The following PSMA1 variants were observed in gnomAD, a reference collection of about 807,000 sequenced individuals.
PSMA1 encodes proteasome subunit alpha type-1.
Under a neutral mutation model 38.4 loss-of-function variants are expected in PSMA1, and 3 were observed. The observed-to-expected ratio is 0.08, with a 90% CI of 0.04 to 0.20. The LOEUF is 0.20. PSMA1 is among the 10% of genes least tolerant of loss of function. The pLI is 1.00. For missense variants in PSMA1, 227 were observed against 325.3 expected (o/e 0.70, Z 2.32); for synonymous variants, 101 against 107.1 (o/e 0.94, Z 0.35).
chr11:14,610,978 G>A (rs1852701745), exon 2 of PSMA1: 2 of 1,613,094 alleles, frequency 1.2e-6, no homozygotes, highest in African/African-American at 1.3e-5. Flanking sequence ...TCACCTTGCT[G>A]AGCTGCATAA....
At chr11:14,598,678 G>C (rs1015542105) in intron 2 of PSMA1, among the ~76,000 whole-genome samples, 3 of 147,214 alleles carry the variant, frequency 2.0e-5, no homozygotes, top group Non-Finnish European at 4.5e-5. Flanking sequence ...CACACTGATG[G>C]GTCTTGACTC....
intron 1 of PSMA1, among the ~76,000 whole-genome samples, chr11:14,617,447 C>T (rs1212881401): frequency 6.6e-6 from 1 of 152,110 alleles, no homozygotes; most frequent in Non-Finnish European, 1.5e-5. Context: ...TTCTATTAAT[C>T]TCTGTTTCTC....
intron 1 of PSMA1, among the ~76,000 whole-genome samples, chr11:14,620,390 T>C (rs772816554): frequency 3.3e-5 from 5 of 152,150 alleles, no homozygotes; most frequent in Non-Finnish European, 5.9e-5. Context: ...CACAGCAGTG[T>C]TGGGATGTTG....
intron 2 of PSMA1, among the ~76,000 whole-genome samples, chr11:14,572,184 T>C (rs369137977): frequency 3.9e-5 from 6 of 152,202 alleles, no homozygotes; most frequent in South Asian, 2.1e-4. Context: ...TCTACAGAAC[T>C]CTCCACACCA....
At chr11:14,551,324 T>C (rs1225816051) in intron 2 of PSMA1, among the ~76,000 whole-genome samples, 1 of 152,134 alleles carries the variant, frequency 6.6e-6, no homozygotes, top group Non-Finnish European at 1.5e-5. Flanking sequence ...TTATATGGCT[T>C]TCAGAGTTCA....
chr11:14,579,081 C>T (rs1324030263), intron 2 of PSMA1, among the ~76,000 whole-genome samples: 1 of 152,202 alleles, frequency 6.6e-6, no homozygotes, highest in Non-Finnish European at 1.5e-5. Flanking sequence ...ACTGTCTCCT[C>T]TCTTAAAAGT....
At chr11:14,566,964 C>T (rs1207063462) in intron 2 of PSMA1, among the ~76,000 whole-genome samples, 9 of 152,270 alleles carry the variant, frequency 5.9e-5, no homozygotes, top group South Asian at 2.1e-4. Flanking sequence ...CAGGCAAAAA[C>T]GACAGGTGTG....
chr11:14,627,163 C>T (rs1469890537), intron 1 of PSMA1, among the ~76,000 whole-genome samples: 1 of 152,158 alleles, frequency 6.6e-6, no homozygotes, highest in African/African-American at 2.4e-5. Context: ...TTTAAAGGCT[C>T]CATTTCCTAA....
At chr11:14,574,962 G>T (rs1053908001) in intron 2 of PSMA1, among the ~76,000 whole-genome samples, 1 of 152,176 alleles carries the variant, frequency 6.6e-6, no homozygotes, top group Non-Finnish European at 1.5e-5. Flanking sequence ...GGAACAGTTT[G>T]GAGGGCTCAG....
intron 2 of PSMA1, among the ~76,000 whole-genome samples, chr11:14,601,021 C>G (rs1852574449): frequency 6.6e-6 from 1 of 152,140 alleles, no homozygotes; most frequent in Non-Finnish European, 1.5e-5. Flanking sequence ...AAAGTTTAGA[C>G]AGGGAAACAA....
chr11:14,575,922 T>C (rs1295562124), intron 2 of PSMA1, among the ~76,000 whole-genome samples: 1 of 152,214 alleles, frequency 6.6e-6, no homozygotes, highest in African/African-American at 2.4e-5. Context: ...CCAGCACCTG[T>C]TGTTTCCTGA....
intron 1 of PSMA1, among the ~76,000 whole-genome samples, chr11:14,627,932 G>C (rs1852935710): frequency 1.3e-5 from 2 of 152,048 alleles, no homozygotes; most frequent in Admixed American, 6.5e-5. Context: ...TATCTTTTAG[G>C]ACAGGGATCC....
intron 2 of PSMA1, among the ~76,000 whole-genome samples, chr11:14,543,147 G>C (rs532341924): frequency 2.6e-5 from 4 of 152,130 alleles, no homozygotes; most frequent in Non-Finnish European, 5.9e-5. Flanking sequence ...AGGTTTTTAA[G>C]AGCATAAAAT....
intron 2 of PSMA1, among the ~76,000 whole-genome samples, chr11:14,530,722 T>G (rs1369634457): frequency 1.3e-5 from 2 of 151,838 alleles, no homozygotes; most frequent in African/African-American, 4.8e-5. Context: ...ACCAACATGG[T>G]GAAACCCTGT....
intron 8 of PSMA1, among the ~76,000 whole-genome samples, chr11:14,509,601 G>A (rs191799282): frequency 1.3e-5 from 2 of 150,394 alleles, no homozygotes; most frequent in Admixed American, 6.6e-5. Context: ...GGGTTTCATC[G>A]TGTTGGCCAG....
intron 2 of PSMA1, among the ~76,000 whole-genome samples, chr11:14,536,390 G>C (rs1191178863): frequency 6.6e-6 from 1 of 151,788 alleles, no homozygotes; most frequent in East Asian, 2.0e-4. Context: ...AGCCGGGCTT[G>C]GTGGTGAGCG....
chr11:14,507,627 C>CTA, intron 9 of PSMA1, 29 bp downstream of exon 9: 1 of 1,439,072 alleles, frequency 6.9e-7, no homozygotes, highest in South Asian at 1.1e-5. Context: ...TACAATAGAA[C>CTA]TAAAGCCTCT....
intron 2 of PSMA1, among the ~76,000 whole-genome samples, chr11:14,584,856 G>A (rs1403165919): frequency 6.6e-6 from 1 of 152,178 alleles, no homozygotes; most frequent in East Asian, 1.9e-4. Context: ...GGCAATTGTA[G>A]TAAGACAGGC....
chr11:14,517,586 GAA>G, intron 4 of PSMA1, 54 bp downstream of exon 4: 1 of 1,358,174 alleles, frequency 7.4e-7, no homozygotes, highest in East Asian at 2.4e-5. Context: ...ATCTTTTTGA[GAA>G]AACTAATCAA....
Sources: gnomAD v4.1 joint callset for allele counts (sites outside exome capture counted in the v4.1 genomes callset) on GRCh38, gnomAD v4.1.1 for gene constraint, MANE v1.5 for transcripts, NCBI Gene and HGNC (gene_info 2026-07-23, HGNC 2026-07-21) for gene names.